The following FGD1 variants were observed in gnomAD, a reference collection of about 807,000 sequenced individuals.
FGD1 encodes the protein FYVE, RhoGEF and PH domain containing 1.
A neutral mutation model predicts 65.0 loss-of-function variants in FGD1; 12 were observed. The observed-to-expected ratio is 0.18, with a 90% confidence interval of 0.12 to 0.30. The LOEUF (loss-of-function observed/expected upper bound fraction) is 0.30. Among genes scored for constraint, FGD1 ranks in the 10% least tolerant of loss-of-function variants. The pLI, the probability that FGD1 is intolerant of heterozygous loss-of-function variation, is 1.00. For synonymous variants in FGD1, 333 were observed against 343.9 expected (o/e 0.97, Z 0.35); for missense variants, 542 against 837.6 (o/e 0.65, Z 4.36).
Position 54,491,587 on chromosome X carries a change from C to T in FGD1, c.307+3539G>A, listed in dbSNP as rs781055391. On this transcript the variant is annotated intron_variant, in intron 1 of 17. Transcript: ENST00000375135. ...GGATGATGGCTAAAAAAATCACTAC[C>T]TCTCTGAGCCTTCCTCACTGTCCCA... Among the ~76,000 whole-genome samples, 4 of 112,079 alleles carry T rather than the reference C, an allele frequency of 3.6e-5. No homozygotes were observed. In the South Asian group the frequency reaches 1.5e-3, roughly 42 times the overall value.
At position 54,470,422 on chromosome X, in the gene FGD1, G is replaced by T. The variant is rs776584181; in HGVS notation, c.695C>A (p.Pro232His). 18 of 1,206,332 alleles carry T rather than the reference G, an allele frequency of 1.5e-5. No homozygotes were observed. The South Asian group carries it at 3.2e-4, about 21-fold the overall frequency. ...PVIVASDRPV[P>H]GPSPGPPEPV... ...CTCTGGGGGACCTGGGCTGGGGCCAGGGACTGGTCTATCCGAGGCGACAAT... is the reference window on the plus strand; with the variant it reads ...CTCTGGGGGACCTGGGCTGGGGCCATGGACTGGTCTATCCGAGGCGACAAT... The change falls in exon 4 of 18, where the codon CCT becomes CAT. Residue 232 changes from proline (P) to histidine (H), a missense_variant. Physicochemically the swap from Pro to His is moderately conservative, Grantham distance 77. Transcript: ENST00000375135.
intron 1 of FGD1, among the ~76,000 whole-genome samples, chrX:54,474,600 C>A (rs1416015086): frequency 8.8e-6 from 1 of 113,011 alleles, no homozygotes; most frequent in Non-Finnish European, 1.9e-5. Context: ...GGAGGAGGCG[C>A]TCCTCTCCAC....
At chrX:54,479,245 G>C (rs1000065787) in intron 1 of FGD1, among the ~76,000 whole-genome samples, 1 of 111,786 alleles carries the variant, frequency 8.9e-6, no homozygotes, top group African/African-American at 3.3e-5. Flanking sequence ...ACTGGAACTG[G>C]ACCCTGCATC....
intron 1 of FGD1, among the ~76,000 whole-genome samples, chrX:54,488,578 C>T (rs1427670857): frequency 1.8e-5 from 2 of 111,296 alleles, no homozygotes; most frequent in Non-Finnish European, 3.8e-5. Context: ...GAGCGAGACT[C>T]CATCTCAACA....
At chrX:54,481,591 A>G (rs1294540423) in intron 1 of FGD1, among the ~76,000 whole-genome samples, 1 of 105,780 alleles carries the variant, frequency 9.5e-6, no homozygotes, top group Non-Finnish European at 1.9e-5. Flanking sequence ...GTCTGTGTCC[A>G]GAGTCACAGA....
chrX:54,461,582 C>T (rs1233918848), intron 8 of FGD1, among the ~76,000 whole-genome samples: 1 of 75,997 alleles, frequency 1.3e-5, no homozygotes, highest in African/African-American at 5.5e-5. Flanking sequence ...GCCTGGGTGA[C>T]GGAGCAAGAC....
Position 54,447,305 on chromosome X carries a change from G to A in FGD1, c.2580+6C>T. On this transcript the variant is annotated splice_donor_region_variant and intron_variant, in intron 17 of 17. Coordinates refer to ENST00000375135, the MANE Select transcript of FGD1 (RefSeq NM_004463.3). ...CTGAAAGGACCCGAAGGAGTAGGATGCATACCTGAGGGGCTCCGTAGATAT... is the reference window on the plus strand; with the variant it reads ...CTGAAAGGACCCGAAGGAGTAGGATACATACCTGAGGGGCTCCGTAGATAT... 1 of 1,211,539 alleles carries A rather than the reference G, an allele frequency of 8.3e-7. No homozygotes were observed. The highest frequency in any genetic ancestry group is 1.8e-5 in the South Asian group (1 of 56,942).
rs189010768 is a variant in FGD1, at chrX:54,448,262, C to T, written c.2436+544G>A. Among the ~76,000 whole-genome samples, 322 of 109,550 alleles carry T rather than the reference C, an allele frequency of 2.9e-3. 3 individuals carry two copies. The highest frequency in any genetic ancestry group is 0.01 in the African/African-American group (310 of 30,043). On this transcript the variant is annotated intron_variant, in intron 16 of 17. Coordinates refer to ENST00000375135, the MANE Select transcript of FGD1 (RefSeq NM_004463.3). Reference sequence around the variant, plus strand: ...GTACAATGGCGCGATCTTGGCTCACCGCAACCTCTGCTTCCCAGGTTCAAG... The same window carrying T: ...GTACAATGGCGCGATCTTGGCTCACTGCAACCTCTGCTTCCCAGGTTCAAG...
rs962858649 is a variant in FGD1, at chrX:54,451,100, T to A, written c.2016-799A>T. The stretch of plus-strand genomic sequence containing the variant: ...TGGGTGTCAAGTTGAGAAAAGAGGG[T>A]AGTTTTTTTTTCATTTGTAAAATGG... On this transcript the variant is annotated intron_variant, in intron 12 of 17. Coordinates refer to ENST00000375135, the MANE Select transcript of FGD1 (RefSeq NM_004463.3). Among the ~76,000 whole-genome samples, 4 of 108,646 alleles carry A rather than the reference T, an allele frequency of 3.7e-5. No homozygotes were observed. The Admixed American group carries it at 3.9e-4, about 11-fold the overall frequency. 94.3% of individuals were successfully genotyped at this position (108,646 alleles called of 115,157 possible).
intron 8 of FGD1, among the ~76,000 whole-genome samples, chrX:54,464,046 C>G (rs5915124): frequency 0.09 from 9,834 of 109,219 alleles, 977 homozygotes; most frequent in African/African-American, 0.29. Context: ...AATGCAACCT[C>G]TGCCTCCCGA....
chrX:54,475,952 G>A (rs1350305297), intron 1 of FGD1, among the ~76,000 whole-genome samples: 1 of 111,720 alleles, frequency 9.0e-6, no homozygotes, highest in Admixed American at 9.6e-5. Flanking sequence ...TGTAATACCA[G>A]CTACCGGGAG....
At chrX:54,480,898 C>T (rs1328535254) in intron 1 of FGD1, among the ~76,000 whole-genome samples, 2 of 111,472 alleles carry the variant, frequency 1.8e-5, no homozygotes, top group Admixed American at 9.6e-5. Context: ...GTGATTCACC[C>T]GCCTCGGCCT....
Position 54,446,427 on chromosome X carries a change from G to A in FGD1, c.2581-13C>T. On this transcript the variant is annotated splice_polypyrimidine_tract_variant and intron_variant, in intron 17 of 17. Coordinates refer to ENST00000375135, the MANE Select transcript of FGD1 (RefSeq NM_004463.3). ...GGGCTTTCACATCCTGGCGGGAGGA[G>A]GGACAGAGCTGGGGCCACCTTGGGG... 8.3e-7 allele frequency: 1 copy of A among 1,204,414 alleles called. No homozygotes were observed. The highest frequency in any genetic ancestry group is 1.1e-6 in the Non-Finnish European group (1 of 891,242).
rs201610363 is a variant in FGD1 at position 54,446,174 on chromosome X, G to A, written c.2821C>T (p.Pro941Ser). Residue 941 changes from proline to serine, a missense_variant, in exon 18 of 18, where the codon CCG becomes TCG. Physicochemically the swap from Pro to Ser is moderately conservative, Grantham distance 74 (BLOSUM62 -1). This residue lies in a region of FGD1 where 182 missense variants were observed against 311.4 expected (regional missense o/e 0.58). Transcript: ENST00000375135. ...LSEDREMEEAPVAALGATAEP... is the reference protein window; with the variant it reads ...LSEDREMEEASVAALGATAEP... ...GCAGTGGCTCCTAAAGCAGCCACCG[G>A]TGCCTCCTCCATCTCCCTGTCCTCA... is the stretch of plus-strand genomic sequence containing the variant. 7.9e-5 allele frequency: 96 copies of A among 1,209,581 alleles called. No homozygotes were observed. The highest frequency in any genetic ancestry group is 2.3e-4 in the Middle Eastern group (1 of 4,343).
At chrX:54,482,236 G>GCGCGCGCACACACACACACA (rs796491256) in intron 1 of FGD1, among the ~76,000 whole-genome samples, 59 of 99,390 alleles carry the variant, frequency 5.9e-4, no homozygotes, top group African/African-American at 2.2e-3. Flanking sequence ...GCACACGCGC[G>GCGCGCGCACACACACACACA]CACACACACA....
chrX:54,494,350 C>T (rs1209818637), intron 1 of FGD1, among the ~76,000 whole-genome samples: 3 of 109,078 alleles, frequency 2.8e-5, no homozygotes, highest in Non-Finnish European at 5.7e-5. Context: ...CCCTTGTTCT[C>T]CCGCCACACA....
At chrX:54,462,551 C>T (rs765287981) in intron 8 of FGD1, among the ~76,000 whole-genome samples, 211 of 107,860 alleles carry the variant, frequency 2.0e-3, no homozygotes, top group African/African-American at 6.2e-3. Context: ...GCCACCACGC[C>T]TGGCTAATTT....
At chrX:54,456,410 C>T in intron 9 of FGD1, 44 bp from the exon 10 acceptor site, 1 of 1,210,598 alleles carries the variant, frequency 8.3e-7, no homozygotes, top group East Asian at 3.0e-5. Context: ...GGGTGCCAGC[C>T]TCCTGTCAGA....
intron 16 of FGD1, 137 bp downstream of exon 16, chrX:54,448,669 C>G: frequency 7.1e-6 from 4 of 562,545 alleles, no homozygotes; most frequent in Non-Finnish European, 8.5e-6. Context: ...TTCACTCTTG[C>G]CGTCATTTTA....
Sources: allele counts gnomAD v4.1 joint callset (sites outside exome capture counted in the v4.1 genomes callset), GRCh38; gene constraint gnomAD v4.1.1; regional missense constraint gnomAD v4.1.1; transcripts MANE v1.5; gene names NCBI Gene and HGNC (gene_info 2026-07-23, HGNC 2026-07-21).